The following NLGN1 variants were observed in gnomAD, a reference collection of about 807,000 sequenced individuals.
NLGN1 encodes neuroligin 1, also known as neuroligin-1.
Under a neutral mutation model 65.5 loss-of-function variants are expected in NLGN1, and 12 were observed. The observed-to-expected ratio is 0.18, with a 90% CI of 0.12 to 0.30. The LOEUF is 0.30. Among genes scored for constraint, NLGN1 ranks in the 10% least tolerant of loss-of-function variants. The pLI is 1.00. For missense variants in NLGN1, 750 were observed against 1,007.1 expected, an observed-to-expected ratio of 0.74 and a Z score of 3.46; for synonymous variants, 350 against 359.5, an observed-to-expected ratio of 0.97 and a Z score of 0.30.
rs1553896554 is a variant in NLGN1 at position 173,942,109 on chromosome 3, G to GTGTGT, written c.646+134277_646+134278insTGTGT. Among the ~76,000 whole-genome samples the GTGTGT allele has an allele frequency of 3.3e-3, 470 of 144,132 alleles. 1 individual carries two copies. The highest frequency in any genetic ancestry group is 0.011 in the African/African-American group (438 of 38,656). 94.6% of individuals were successfully genotyped at this position (144,132 alleles called of 152,430 possible). Reference sequence around the variant, plus strand: ...ATGGTCAGGAATATTGGTGGTTGGGGGTGTGTGTGTGTGTGTGTGTGTGTG... The same window carrying GTGTGT: ...ATGGTCAGGAATATTGGTGGTTGGGGTGTGTGTGTGTGTGTGTGTGTGTGTGTGTG... On this transcript the variant is annotated intron_variant, in intron 4 of 6. Transcript: ENST00000457714.
chr3:173,921,309 A>G (rs1161979024), intron 4 of NLGN1, among the ~76,000 whole-genome samples: 4 of 147,936 alleles, frequency 2.7e-5, no homozygotes, highest in African/African-American at 9.8e-5. Flanking sequence ...TATTTCTACT[A>G]TATATTATAT....
chr3:173,539,348 G>A (rs1362058354), intron 2 of NLGN1, among the ~76,000 whole-genome samples: 1 of 149,446 alleles, frequency 6.7e-6, no homozygotes, highest in Non-Finnish European at 1.5e-5. Flanking sequence ...TGTGCTTTCA[G>A]GATCTGTTTG....
chr3:173,467,380 G>A (rs1724545454), intron 2 of NLGN1, among the ~76,000 whole-genome samples: 1 of 151,562 alleles, frequency 6.6e-6, no homozygotes, highest in African/African-American at 2.4e-5. Flanking sequence ...TTCTACCTTA[G>A]GACATTTCTA....
intron 4 of NLGN1, among the ~76,000 whole-genome samples, chr3:173,855,538 T>G (rs1727787202): frequency 6.6e-6 from 1 of 152,080 alleles, no homozygotes. Flanking sequence ...TATGGCAACA[T>G]AATGTATTCT....
At chr3:173,546,069 T>C (rs1739773979) in intron 2 of NLGN1, among the ~76,000 whole-genome samples, 2 of 152,174 alleles carry the variant, frequency 1.3e-5, no homozygotes, top group African/African-American at 4.8e-5. Context: ...GTTCTGCTCA[T>C]GTATCCCAGA....
chr3:174,167,482 T>G (rs1396340904), intron 4 of NLGN1, among the ~76,000 whole-genome samples: 1 of 152,142 alleles, frequency 6.6e-6, no homozygotes, highest in East Asian at 1.9e-4. Flanking sequence ...TTGGAATGTC[T>G]TTTCTTTTAG....
rs75085075 is a variant in NLGN1 at position 173,922,167 on chromosome 3, T to G, written c.646+114335T>G. On this transcript the variant is annotated intron_variant, in intron 4 of 6. Coordinates refer to ENST00000457714, the Ensembl canonical transcript of NLGN1. ...TAACGAATAATATAGAAATCTATAT[T>G]TTTTTATGACTTGGAATTTTAAAAT... Among the ~76,000 whole-genome samples, 380 of 152,230 alleles carry G rather than the reference T, an allele frequency of 2.5e-3. 1 individual carries two copies. The highest frequency in any genetic ancestry group is 8.6e-3 in the African/African-American group (356 of 41,560).
intron 3 of NLGN1, among the ~76,000 whole-genome samples, chr3:173,621,509 T>TG (rs1476874098): frequency 6.6e-6 from 1 of 152,040 alleles, no homozygotes; most frequent in Non-Finnish European, 1.5e-5. Context: ...TATGCATTGA[T>TG]GGTTTTTGGG....
At chr3:173,691,559 C>A (rs926363802) in intron 3 of NLGN1, among the ~76,000 whole-genome samples, 2 of 152,030 alleles carry the variant, frequency 1.3e-5, no homozygotes, top group Non-Finnish European at 2.9e-5. Flanking sequence ...GTGTTTAATA[C>A]GTGTCTTAAA....
chr3:174,081,958 T>C (rs1742327938), intron 4 of NLGN1, among the ~76,000 whole-genome samples: 1 of 152,206 alleles, frequency 6.6e-6, no homozygotes, highest in African/African-American at 2.4e-5. Context: ...TTGGGGACAT[T>C]CCTACTATCC....
intron 4 of NLGN1, among the ~76,000 whole-genome samples, chr3:173,924,896 G>C (rs190124631): frequency 4.6e-5 from 7 of 151,946 alleles, no homozygotes; most frequent in Non-Finnish European, 1.0e-4. Flanking sequence ...TATTTACTTG[G>C]TATATTTACT....
In NLGN1 at chr3:173,458,496, C is replaced by A. The variant is rs149267782; in HGVS notation, c.-321+23418C>A. On this transcript the variant is annotated intron_variant, in intron 2 of 6. Coordinates refer to ENST00000457714, the Ensembl canonical transcript of NLGN1. ...AATGATCATTTAAATATGCTCAAATCTTTTCTCTCTTAAAAACCAAACCAA... is the reference window on the plus strand; with the variant it reads ...AATGATCATTTAAATATGCTCAAATATTTTCTCTCTTAAAAACCAAACCAA... Among the ~76,000 whole-genome samples, 192 of 152,096 alleles carry A rather than the reference C, an allele frequency of 1.3e-3. 1 individual carries two copies. Among genetic ancestry groups the A allele is most frequent in the African/African-American group, 4.4e-3 (184 of 41,522 alleles).
At chr3:173,568,252 C>A (rs976437605) in intron 2 of NLGN1, among the ~76,000 whole-genome samples, 3 of 133,724 alleles carry the variant, frequency 2.2e-5, no homozygotes, top group Middle Eastern at 3.8e-3. Context: ...TTTTCCTTTT[C>A]TTTTTTTTCT....
At chr3:173,747,391 T>C (rs1027246445) in intron 3 of NLGN1, among the ~76,000 whole-genome samples, 2 of 146,576 alleles carry the variant, frequency 1.4e-5, no homozygotes, top group African/African-American at 5.0e-5. Flanking sequence ...AAGATATATA[T>C]ATTTAAATAT....
At chr3:173,575,676 T>C (rs1229980383) in intron 2 of NLGN1, among the ~76,000 whole-genome samples, 1 of 152,210 alleles carries the variant, frequency 6.6e-6, no homozygotes, top group Admixed American at 6.5e-5. Flanking sequence ...ATAAATTTCT[T>C]TCTATTATTG....
chr3:174,033,205 C>T (rs1341544331), intron 4 of NLGN1, among the ~76,000 whole-genome samples: 4 of 152,030 alleles, frequency 2.6e-5, no homozygotes, highest in East Asian at 3.9e-4. Context: ...CAGACTTTCT[C>T]TGAGTATTAA....
chr3:173,970,736 A>G (rs113364782), intron 4 of NLGN1, among the ~76,000 whole-genome samples: 20 of 152,226 alleles, frequency 1.3e-4, no homozygotes, highest in African/African-American at 4.1e-4. Context: ...TATTTAACCT[A>G]TAAACCTAAG....
At chr3:173,823,906 T>A (rs891011596) in intron 4 of NLGN1, among the ~76,000 whole-genome samples, 10 of 125,796 alleles carry the variant, frequency 7.9e-5, no homozygotes, top group African/African-American at 3.0e-4. Flanking sequence ...ATAATGTTAT[T>A]TTCTTGTTAA....
chr3:173,531,405 T>C (rs1244790619), intron 2 of NLGN1, among the ~76,000 whole-genome samples: 1 of 152,146 alleles, frequency 6.6e-6, no homozygotes, highest in Non-Finnish European at 1.5e-5. Context: ...TGTTTAAAAG[T>C]ACAAGAAACC....
Sources: allele counts gnomAD v4.1 joint callset (sites outside exome capture counted in the v4.1 genomes callset), GRCh38; gene constraint gnomAD v4.1.1; transcripts MANE v1.5; gene names NCBI Gene and HGNC (gene_info 2026-07-23, HGNC 2026-07-21).